ZFYVE28: variants seen among roughly 807,000 people sequenced by gnomAD.
The protein encoded by ZFYVE28 is lateral signaling target protein 2 homolog.
Under a neutral mutation model 82.1 loss-of-function variants are expected in ZFYVE28, and 40 were observed. That is an observed-to-expected ratio of 0.49 (90% CI 0.38 to 0.63). The LOEUF (loss-of-function observed/expected upper bound fraction) is 0.63, where lower values mean the gene tolerates loss of function less well. ZFYVE28 is among the 30% of genes least tolerant of loss of function. The probability of loss-of-function intolerance (pLI) is 0.00; values close to 1 mark genes in which losing one functional copy is unlikely to be tolerated. For synonymous variants in ZFYVE28, 612 were observed against 546.1 expected (o/e 1.12, Z -1.68); for missense variants, 1,321 against 1,242.1 (o/e 1.06, Z -0.96).
intron 1 of ZFYVE28, among the ~76,000 whole-genome samples, chr4:2,395,028 G>C (rs1207389203): frequency 6.6e-6 from 1 of 152,020 alleles, no homozygotes; most frequent in African/African-American, 2.4e-5. Context: ...GGTGTAGTAA[G>C]GTGGCCTACA....
At chr4:2,307,626 G>T (rs959833485) in intron 7 of ZFYVE28, among the ~76,000 whole-genome samples, 1 of 151,950 alleles carries the variant, frequency 6.6e-6, no homozygotes, top group East Asian at 1.9e-4. Flanking sequence ...GGTACTACAG[G>T]TGCAGACCAC....
At chr4:2,292,112 G>A (rs1046795743) in intron 8 of ZFYVE28, among the ~76,000 whole-genome samples, 5 of 152,204 alleles carry the variant, frequency 3.3e-5, no homozygotes, top group African/African-American at 1.2e-4. Context: ...GGGGCTGGGA[G>A]GACACCATGC....
chr4:2,370,875 C>T (rs1398966398), intron 1 of ZFYVE28, among the ~76,000 whole-genome samples: 3 of 152,212 alleles, frequency 2.0e-5, no homozygotes, highest in Non-Finnish European at 4.4e-5. Context: ...AACCCTGCCA[C>T]GTCCATGTGG....
At chr4:2,291,946 G>T (rs1338419903) in intron 8 of ZFYVE28, among the ~76,000 whole-genome samples, 1 of 152,168 alleles carries the variant, frequency 6.6e-6, no homozygotes, top group Non-Finnish European at 1.5e-5. Context: ...GAGAGTCAGG[G>T]ATGTGAGTGT....
chr4:2,298,086 G>A (rs578055904), intron 8 of ZFYVE28, among the ~76,000 whole-genome samples: 3 of 148,086 alleles, frequency 2.0e-5, no homozygotes, highest in African/African-American at 7.5e-5. Context: ...GGCAGAGGAC[G>A]AGTGGTGACA....
intron 7 of ZFYVE28, among the ~76,000 whole-genome samples, chr4:2,311,449 C>T (rs1335772227): frequency 6.6e-6 from 1 of 152,058 alleles, no homozygotes; most frequent in Non-Finnish European, 1.5e-5. Flanking sequence ...TTGTTTAAAC[C>T]TGGGAGGCAG....
Position 2,408,312 on chromosome 4 carries a change from G to T in ZFYVE28, c.39+9973C>A, listed in dbSNP as rs948075625. Among the ~76,000 whole-genome samples the T allele has an allele frequency of 9.9e-5, 15 of 152,146 alleles. No individual in the cohort carries two copies. Among genetic ancestry groups the T allele is most frequent in the African/African-American group, 3.1e-4 (13 of 41,516 alleles). ...TCCCCACACCTGCCCTTTGAGATGT[G>T]ACTCTGCTACTCCCCGCACCGAGAA... On this transcript the variant is annotated intron_variant, in intron 1 of 12. Transcript: ENST00000290974. The surrounding 1 kb of genome is among the most constrained non-coding windows in gnomAD (Gnocchi z 4.3).
chr4:2,354,453 ATTTTT>A (rs11454323), intron 1 of ZFYVE28, among the ~76,000 whole-genome samples: 1 of 122,544 alleles, frequency 8.2e-6, no homozygotes. Context: ...CTCTCAGGAA[ATTTTT>A]TTTTTTTTTT....
At chr4:2,388,242 A>G (rs1421012502) in intron 1 of ZFYVE28, among the ~76,000 whole-genome samples, 1 of 152,224 alleles carries the variant, frequency 6.6e-6, no homozygotes, top group African/African-American at 2.4e-5. Flanking sequence ...CGACCATATT[A>G]AACATGGATC....
chr4:2,334,470 C>T (rs1721253123), intron 6 of ZFYVE28, among the ~76,000 whole-genome samples: 1 of 152,032 alleles, frequency 6.6e-6, no homozygotes, highest in Admixed American at 6.5e-5. Flanking sequence ...GCTCCCACCT[C>T]TGCACCCCCA....
intron 1 of ZFYVE28, among the ~76,000 whole-genome samples, chr4:2,382,981 T>C (rs1418694119): frequency 3.9e-5 from 6 of 152,016 alleles, no homozygotes; most frequent in African/African-American, 1.4e-4. Context: ...GAGAAAAGCA[T>C]GGGAAAGGCC....
chr4:2,294,416 G>A (rs1303432082), intron 8 of ZFYVE28, among the ~76,000 whole-genome samples: 1 of 152,142 alleles, frequency 6.6e-6, no homozygotes, highest in Non-Finnish European at 1.5e-5. Context: ...ATTGATCCAT[G>A]CCTCACACCA....
At chr4:2,275,063 C>T (rs1330901929) in intron 8 of ZFYVE28, among the ~76,000 whole-genome samples, 2 of 152,104 alleles carry the variant, frequency 1.3e-5, no homozygotes, top group Admixed American at 6.5e-5. Context: ...GAACAGGGCC[C>T]GGGACCTCCA....
At position 2,335,376 on chromosome 4, in the gene ZFYVE28, C is replaced by T. The variant is rs1578142199; in HGVS notation, c.701+329G>A. ...GTGGCCACTCTGTTCCGAGCATGAC[C>T]CCTGTGTGACCCTCATGGTCTCCTG... On this transcript the variant is annotated intron_variant, in intron 6 of 12. Coordinates refer to ENST00000290974, the MANE Select transcript of ZFYVE28 (RefSeq NM_020972.3). The surrounding 1 kb of genome is among the most constrained non-coding windows in gnomAD (Gnocchi z 5.8). Among the ~76,000 whole-genome samples the T allele has an allele frequency of 6.6e-6, 1 of 152,196 alleles. No homozygotes were observed. The highest frequency in any genetic ancestry group is 2.4e-5 in the African/African-American group (1 of 41,454).
intron 8 of ZFYVE28, among the ~76,000 whole-genome samples, chr4:2,279,584 C>T (rs983298525): frequency 6.6e-6 from 1 of 152,122 alleles, no homozygotes; most frequent in Non-Finnish European, 1.5e-5. Flanking sequence ...TCGAGACCAT[C>T]CTGGCTAACA....
chr4:2,395,735 C>CCAA (rs1730366929), intron 1 of ZFYVE28, among the ~76,000 whole-genome samples: 1 of 152,170 alleles, frequency 6.6e-6, no homozygotes, highest in African/African-American at 2.4e-5. Context: ...GTGGCCGGAC[C>CCAA]CAACACGCCA....
At chr4:2,319,431 T>C (rs1220243229) in intron 7 of ZFYVE28, among the ~76,000 whole-genome samples, 1 of 152,194 alleles carries the variant, frequency 6.6e-6, no homozygotes, top group East Asian at 1.9e-4. Context: ...GGGGTCACTT[T>C]TCACTGTCTG....
chr4:2,373,470 A>G (rs1727787400), intron 1 of ZFYVE28, among the ~76,000 whole-genome samples: 1 of 152,142 alleles, frequency 6.6e-6, no homozygotes, highest in African/African-American at 2.4e-5. Context: ...CTGCCACTGC[A>G]CTCCAGCCTG....
intron 8 of ZFYVE28, among the ~76,000 whole-genome samples, chr4:2,279,344 T>C (rs914010388): frequency 6.6e-6 from 1 of 152,140 alleles, no homozygotes; most frequent in Non-Finnish European, 1.5e-5. Flanking sequence ...AGCAGGAGAA[T>C]TGCTTGAACC....
Sources: gnomAD v4.1 joint callset for allele counts (sites outside exome capture counted in the v4.1 genomes callset) on GRCh38, gnomAD v4.1.1 for gene constraint, Gnocchi (gnomAD v3.1) non-coding constraint, MANE v1.5 for transcripts, NCBI Gene and HGNC (gene_info 2026-07-23, HGNC 2026-07-21) for gene names.